The following LRP3 variants were observed in gnomAD, a reference collection of about 807,000 sequenced individuals.
The protein encoded by LRP3 is low-density lipoprotein receptor-related protein 3.
A neutral mutation model predicts 58.5 loss-of-function variants in LRP3; 49 were observed. That is an observed-to-expected ratio of 0.84 (90% CI 0.67 to 1.06). The LOEUF (loss-of-function observed/expected upper bound fraction) is 1.06. Ranked by LOEUF, LRP3 falls within the 50% of genes least tolerant of loss-of-function variation. The pLI, the probability that LRP3 is intolerant of heterozygous loss-of-function variation, is 0.00. For synonymous variants in LRP3, 485 were observed against 492.2 expected (o/e 0.99, Z 0.20); for missense variants, 1,019 against 1,134.2 (o/e 0.90, Z 1.46).
chr19:33,194,834 G>A lies in LRP3; in HGVS notation c.49G>A (p.Ala17Thr). 9.0e-7 allele frequency: 1 copy of A among 1,113,028 alleles called. No homozygotes were observed. The highest frequency in any genetic ancestry group is 1.1e-6 in the Non-Finnish European group (1 of 913,116). The allele number at this position is 1,113,028 out of a possible 1,614,324, so 68.9% of individuals were successfully genotyped here. A position where few individuals can be genotyped will look rare whatever the true frequency, so the allele number is the denominator to read the frequency against. Residue 17 changes from alanine to threonine, a missense_variant, in exon 1 of 7, where the codon GCG becomes ACG. By Grantham distance (58) the Ala-to-Thr change is moderately conservative (BLOSUM62 0). Around this residue, in one of 2 missense-constraint regions of LRP3, gnomAD observed 592 missense variants for 725.5 expected, o/e 0.82. Coordinates refer to ENST00000253193, the MANE Select transcript of LRP3 (RefSeq NM_002333.4). ...GCTGGAGGGCGCGCCGGGCGCCCGG[G>A]CGCAGCTGGCCGTCGTCTGTCTGGG... ...AGLEGAPGAR[A>T]QLAVVCLVNI... is the part of the protein sequence containing the mutation.
intron 2 of LRP3, among the ~76,000 whole-genome samples, chr19:33,199,828 T>C (rs1284531346): frequency 6.6e-6 from 1 of 152,184 alleles, no homozygotes; most frequent in Non-Finnish European, 1.5e-5. Flanking sequence ...GGGTTCTGGC[T>C]GAAGTGAGTG....
chr19:33,206,267 G>A lies in LRP3; in HGVS notation c.1497G>A (p.Thr499=), dbSNP rs754821729. The part of the protein sequence containing the change: ...CLAAVPRKVI[T]AALIGSLVCG... The stretch of plus-strand genomic sequence containing the variant: ...CCGCCGTGCCCCGCAAGGTCATCAC[G>A]GCGGCGCTCATTGGCAGCCTGGTGT... The change falls in exon 5 of 7, where the codon ACG becomes ACA. Residue 499 remains threonine (T), a synonymous_variant. Transcript: ENST00000253193. 23 of 1,598,118 alleles carry A rather than the reference G, an allele frequency of 1.4e-5. 1 individual carries two copies. The South Asian group carries it at 1.8e-4, about 12-fold the overall frequency.
At position 33,196,608 on chromosome 19, in the gene LRP3, C is replaced by G; in HGVS notation, c.74-122C>G. The stretch of plus-strand genomic sequence containing the variant: ...GTCTTGGGCTGCGCTCTGGGCCTTG[C>G]CCTGTAAGAGGAAGGGGACCAGCGG... On this transcript the variant is annotated intron_variant, in intron 1 of 6. Transcript: ENST00000253193. 3.5e-6 allele frequency: 3 copies of G among 868,920 alleles called. No individual in the cohort carries two copies. In the Admixed American group the frequency reaches 5.5e-5, roughly 16 times the overall value. The allele number at this position is 868,920 out of a possible 1,614,324, so 53.8% of individuals were successfully genotyped here.
intron 4 of LRP3, 60 bp from the exon 5 acceptor site, chr19:33,205,186 C>T (rs776359385): frequency 2.0e-4 from 310 of 1,552,178 alleles, no homozygotes; most frequent in Non-Finnish European, 2.6e-4. Context: ...CCCAGGCCCC[C>T]TGGCCGAAGG....
At chr19:33,204,507 A>C (rs1974377482) in intron 3 of LRP3, 131 bp from the exon 4 acceptor site, 2 of 685,594 alleles carry the variant, frequency 2.9e-6, no homozygotes, top group Non-Finnish European at 2.6e-6. Flanking sequence ...GAACATGAGG[A>C]GTGGGGGCAG....
rs201419135 is a variant in LRP3, at chr19:33,207,022, G to T, written c.1760G>T (p.Arg587Leu). Reference protein sequence around the residue: ...SVLQNLRTAMRRQMRRHASRR... With the variant: ...SVLQNLRTAMLRQMRRHASRR... ...CTGCAGAATCTTCGCACAGCCATGC[G>T]GAGACAGATGCGTCGGCACGCCTCC... The change falls in exon 7 of 7, where the codon CGG becomes CTG. Residue 587 changes from arginine (R) to leucine (L), a missense_variant. Around this residue, in one of 2 missense-constraint regions of LRP3, gnomAD observed 427 missense variants for 408.6 expected, o/e 1.04. Transcript: ENST00000253193. 4.7e-6 allele frequency: 7 copies of T among 1,493,306 alleles called. No homozygotes were observed. Among genetic ancestry groups the T allele is most frequent in the Non-Finnish European group, 6.2e-6 (7 of 1,127,230 alleles). The allele number at this position is 1,493,306 out of a possible 1,614,324, so 92.5% of individuals were successfully genotyped here.
chr19:33,194,723 CAGCCGGAACCGG>C lies in LRP3; in HGVS notation c.-55_-44del, dbSNP rs1974266604. ...GCAGCCAGAGCCAGAGCCGGAGCCG[CAGCCGGAACCGG>C]AGCCGGAGCCGCGGGGCAGGAGGCG... On this transcript the variant is annotated 5_prime_UTR_variant, in exon 1 of 7. Transcript: ENST00000253193. 3.8e-6 allele frequency: 2 copies of C among 531,358 alleles called. No individual in the cohort carries two copies. Among genetic ancestry groups the C allele is most frequent in the Admixed American group, 6.4e-5 (1 of 15,604 alleles). 32.9% of individuals were successfully genotyped at this position (531,358 alleles called of 1,614,324 possible).
rs1974325332 is a variant in LRP3, at chr19:33,200,011, C to A, written c.122-2837C>A. On this transcript the variant is annotated intron_variant, in intron 2 of 6. Transcript: ENST00000253193. ...TTGCCCTGCCCCTGGCCTTGTCCTC[C>A]AGGACAGGGGACCTCACAGGTTTTT... 2.0e-5 allele frequency among the ~76,000 whole-genome samples: 3 copies of A among 152,300 alleles called. No homozygotes were observed. In the South Asian group the frequency reaches 6.2e-4, roughly 32 times the overall value.
At chr19:33,200,117 TAG>T in intron 2 of LRP3, among the ~76,000 whole-genome samples, 1 of 152,352 alleles carries the variant, frequency 6.6e-6, no homozygotes, top group East Asian at 1.9e-4. Context: ...GCATGCGCTT[TAG>T]AGATGCAATG....
Position 33,206,254 on chromosome 19 carries a change from G to C in LRP3, c.1484G>C (p.Arg495Pro). 1 of 1,598,030 alleles carries C rather than the reference G, an allele frequency of 6.3e-7. No homozygotes were observed. ...DEHGCLAAVP[R>P]KVITAALIGS... ...CATGGGTGCCTGGCCGCCGTGCCCC[G>C]CAAGGTCATCACGGCGGCGCTCATT... Residue 495 changes from arginine to proline, a missense_variant, in exon 5 of 7, where the codon CGC (arginine) becomes CCC (proline). Transcript: ENST00000253193.
chr19:33,205,870 A>G lies in LRP3; in HGVS notation c.1100A>G (p.Tyr367Cys). 6.2e-7 allele frequency: 1 copy of G among 1,605,858 alleles called. No individual in the cohort carries two copies. Among genetic ancestry groups the G allele is most frequent in the South Asian group, 1.1e-5 (1 of 90,474 alleles). The change falls in exon 5 of 7, where the codon TAT (tyrosine) becomes TGT (cysteine). Residue 367 changes from tyrosine to cysteine, a missense_variant. Transcript: ENST00000253193. ...GFNATYQVKG[Y>C]CLPWEQPCGS... ...AATGCCACCTACCAGGTGAAGGGCT[A>G]TTGCCTCCCCTGGGAGCAGCCGTGC...
At position 33,196,112 on chromosome 19, in the gene LRP3, C is replaced by T. The variant is rs575882576; in HGVS notation, c.74-618C>T. Among the ~76,000 whole-genome samples, 11 of 152,278 alleles carry T rather than the reference C, an allele frequency of 7.2e-5. No homozygotes were observed. The East Asian group carries it at 1.7e-3, about 24-fold the overall frequency. On this transcript the variant is annotated intron_variant, in intron 1 of 6. Transcript: ENST00000253193. Reference sequence around the variant, plus strand: ...GGTGGCTGGGGAGTTCTGCTTTCCTCCTCAAAGTCAGCTTGGCACGGGGGA... The same window carrying T: ...GGTGGCTGGGGAGTTCTGCTTTCCTTCTCAAAGTCAGCTTGGCACGGGGGA...
chr19:33,208,139 G>T lies in LRP3; in HGVS notation c.*564G>T, dbSNP rs151074611. The T allele has an allele frequency of 3.8e-3, 624 of 162,350 alleles. 1 individual carries two copies. Among genetic ancestry groups the T allele is most frequent in the Middle Eastern group, 0.016 (5 of 310 alleles). 10.1% of individuals were successfully genotyped at this position (162,350 alleles called of 1,614,324 possible). ...CTCCTGGGCACCGTGGAAGGGCTGG[G>T]GTGTGTGCCTGCTGTACATGAAGCC... On this transcript the variant is annotated 3_prime_UTR_variant, in exon 7 of 7. Transcript: ENST00000253193. This position sits in a 1 kb window ranked among gnomAD's most constrained non-coding sequence, Gnocchi z 4.7.
chr19:33,204,626 G>GCC lies in LRP3; in HGVS notation c.261-6_261-5dup. The stretch of plus-strand genomic sequence containing the variant: ...ACTGCCTCATGTCTGGGTCCTCTCC[G>GCC]CCCCCCCGCAGCTTCCGCAACTTTG... On this transcript the variant is annotated splice_polypyrimidine_tract_variant and intron_variant, in intron 3 of 6. Transcript: ENST00000253193. The GCC allele has an allele frequency of 6.3e-7, 1 of 1,589,242 alleles. No individual in the cohort carries two copies. Among genetic ancestry groups the GCC allele is most frequent in the Non-Finnish European group, 8.6e-7 (1 of 1,167,904 alleles).
At chr19:33,200,511 G>C (rs1974330993) in intron 2 of LRP3, among the ~76,000 whole-genome samples, 1 of 152,206 alleles carries the variant, frequency 6.6e-6, no homozygotes, top group Non-Finnish European at 1.5e-5. Flanking sequence ...GACTGCAGGT[G>C]TGAGCCACTG....
intron 6 of LRP3, 125 bp downstream of exon 6, chr19:33,206,858 A>C (rs1372592770): frequency 8.0e-7 from 1 of 1,250,858 alleles, no homozygotes; most frequent in Non-Finnish European, 1.1e-6. Flanking sequence ...GCCCATGGCC[A>C]GGTGGGGGGG....
Position 33,205,855 on chromosome 19 carries a change from AC to A in LRP3, c.1087del (p.Gln363ArgfsTer2). 1 of 1,599,046 alleles carries A rather than the reference AC, an allele frequency of 6.3e-7. No individual in the cohort carries two copies. The highest frequency in any genetic ancestry group is 8.5e-7 in the Non-Finnish European group (1 of 1,172,536). ...GCCGGCCACGGCTTCAATGCCACCT[AC>A]CAGGTGAAGGGCTATTGCCTCCCCT... ...RSAGHGFNAT[Y>X]QVKGYCLPWE... On this transcript the variant is annotated frameshift_variant, in exon 5 of 7. Coordinates refer to ENST00000253193, the MANE Select transcript of LRP3 (RefSeq NM_002333.4). LOFTEE classifies it high-confidence loss of function.
intron 3 of LRP3, 109 bp downstream of exon 3, chr19:33,203,095 A>G (rs1490067029): frequency 7.5e-7 from 1 of 1,333,498 alleles, no homozygotes; most frequent in East Asian, 2.5e-5. Context: ...CTGAGGGTGT[A>G]CATGTGTGTG....
rs745490473 is a variant in LRP3, at chr19:33,203,351, CAT to C, written c.260+366_260+367del. Reference sequence around the variant, plus strand: ...GTGTGTGTGTGCATGTATGTGAACACATGTGTGCTTGTGTACATGGAAAAGCC... The same window carrying C: ...GTGTGTGTGTGCATGTATGTGAACACGTGTGCTTGTGTACATGGAAAAGCC... On this transcript the variant is annotated intron_variant, in intron 3 of 6. Transcript: ENST00000253193. 2.6e-4 allele frequency among the ~76,000 whole-genome samples: 39 copies of C among 152,150 alleles called. 1 individual carries two copies. Among genetic ancestry groups the C allele is most frequent in the South Asian group, 1.2e-3 (6 of 4,816 alleles).
Sources: allele counts gnomAD v4.1 joint callset (sites outside exome capture counted in the v4.1 genomes callset), GRCh38; gene constraint gnomAD v4.1.1; regional missense constraint gnomAD v4.1.1; non-coding constraint Gnocchi (gnomAD v3.1); transcripts MANE v1.5; gene names NCBI Gene and HGNC (gene_info 2026-07-23, HGNC 2026-07-21).